Variants in ANKRD33B observed in about 807,000 individuals in gnomAD.
ANKRD33B encodes the protein ankyrin repeat domain 33B.
ANKRD33B carries 6 observed loss-of-function variants against 21.5 expected under a neutral mutation model. The ratio of observed to expected loss-of-function variants is 0.28; its 90% CI spans 0.15 to 0.55. The LOEUF (loss-of-function observed/expected upper bound fraction) is 0.55, where lower values mean the gene tolerates loss of function less well. Ranked by LOEUF, ANKRD33B falls within the 20% of genes least tolerant of loss-of-function variation. ANKRD33B has a pLI of 0.94. For missense variants in ANKRD33B, 698 were observed against 747.2 expected (o/e 0.93, Z 0.77); for synonymous variants, 347 against 342.4 (o/e 1.01, Z -0.15).
rs1358588856 is a variant in ANKRD33B, at chr5:10,654,551, C to T, written c.*4438C>T. The T allele has an allele frequency of 1.3e-5, 2 of 152,432 alleles. No individual in the cohort carries two copies. Among genetic ancestry groups the T allele is most frequent in the Non-Finnish European group, 2.9e-5 (2 of 68,062 alleles). 9.4% of individuals were successfully genotyped at this position (152,432 alleles called of 1,614,324 possible). A position where few individuals can be genotyped will look rare whatever the true frequency, so the allele number is the denominator to read the frequency against. ...GATGACAACTGAGATGCCTGGAGCT[C>T]ACCCTTGATGGAGACTTCCTTGGTG... On this transcript the variant is annotated 3_prime_UTR_variant, in exon 4 of 4. Coordinates refer to ENST00000296657, the MANE Select transcript of ANKRD33B (RefSeq NM_001164440.2).
At chr5:10,618,184 TA>T in intron 1 of ANKRD33B, 148 bp from the exon 2 acceptor site, 2 of 1,109,938 alleles carry the variant, frequency 1.8e-6, no homozygotes, top group Non-Finnish European at 2.5e-6. Flanking sequence ...TGGCTCACTC[TA>T]AACCATCTCT....
chr5:10,638,309 A>T, intron 3 of ANKRD33B, 141 bp downstream of exon 3: 2 of 1,158,014 alleles, frequency 1.7e-6, no homozygotes, highest in Non-Finnish European at 1.2e-6. Context: ...TCACTGACAT[A>T]TACTTCTGTA....
chr5:10,652,753 C>A lies in ANKRD33B; in HGVS notation c.*2640C>A. ...AGTGGACGTGTTGCGGCCCTGCCCCCGATGTGTTCCAGCCTCATCCAGGTG... is the reference window on the plus strand; with the variant it reads ...AGTGGACGTGTTGCGGCCCTGCCCCAGATGTGTTCCAGCCTCATCCAGGTG... On this transcript the variant is annotated 3_prime_UTR_variant, in exon 4 of 4. Transcript: ENST00000296657. This position sits in a 1 kb window ranked among gnomAD's most constrained non-coding sequence, Gnocchi z 4.1. The A allele has an allele frequency of 9.3e-6, 2 of 215,508 alleles. No homozygotes were observed. Among genetic ancestry groups the A allele is most frequent in the Non-Finnish European group, 2.0e-5 (2 of 100,728 alleles). The allele number at this position is 215,508 out of a possible 1,614,324, so 13.3% of individuals were successfully genotyped here.
chr5:10,615,100 C>T (rs894869869), intron 1 of ANKRD33B, among the ~76,000 whole-genome samples: 1 of 152,188 alleles, frequency 6.6e-6, no homozygotes, highest in Middle Eastern at 3.4e-3. Flanking sequence ...CTGAAAGAGA[C>T]CTAATTCAGG....
chr5:10,621,062 C>T (rs1388803264), intron 2 of ANKRD33B, among the ~76,000 whole-genome samples: 1 of 152,122 alleles, frequency 6.6e-6, no homozygotes, highest in Non-Finnish European at 1.5e-5. Flanking sequence ...TTCAATAACG[C>T]CTTTGTTCTT....
intron 2 of ANKRD33B, among the ~76,000 whole-genome samples, chr5:10,637,213 C>T (rs970127309): frequency 6.6e-6 from 1 of 152,200 alleles, no homozygotes; most frequent in Non-Finnish European, 1.5e-5. Flanking sequence ...CTGGAAACAG[C>T]ACTGTTGCTG....
rs140823396 is a variant in ANKRD33B at position 10,579,119 on chromosome 5, G to A, written c.366+14286G>A. Among the ~76,000 whole-genome samples the A allele has an allele frequency of 3.4e-3, 514 of 149,436 alleles. 3 individuals are homozygous for A. The highest frequency in any genetic ancestry group is 6.1e-3 in the Admixed American group (92 of 14,990). ...GTCAAGGCTGCAGTGAGCCGTGATC[G>A]CGCCACTGCACTCTAGTCTGGGCAA... On this transcript the variant is annotated intron_variant, in intron 1 of 3. Coordinates refer to ENST00000296657, the MANE Select transcript of ANKRD33B (RefSeq NM_001164440.2).
At chr5:10,608,088 C>G (rs1560972163) in intron 1 of ANKRD33B, among the ~76,000 whole-genome samples, 1 of 151,834 alleles carries the variant, frequency 6.6e-6, no homozygotes, top group Non-Finnish European at 1.5e-5. Flanking sequence ...GGGGCTCACG[C>G]CTATATTCCT....
Position 10,652,856 on chromosome 5 carries a change from G to T in ANKRD33B, c.*2743G>T. On this transcript the variant is annotated 3_prime_UTR_variant, in exon 4 of 4. Transcript: ENST00000296657. This position sits in a 1 kb window ranked among gnomAD's most constrained non-coding sequence, Gnocchi z 4.1. The stretch of plus-strand genomic sequence containing the variant: ...CCACAAAACAGCTCTAGAGATACCT[G>T]CATTTTGAAAAGCCTGCTGAGCCAA... 1 of 267,328 alleles carries T rather than the reference G, an allele frequency of 3.7e-6. No individual in the cohort carries two copies. The highest frequency in any genetic ancestry group is 7.8e-6 in the Non-Finnish European group (1 of 128,080). 16.6% of individuals were successfully genotyped at this position (267,328 alleles called of 1,614,324 possible).
intron 3 of ANKRD33B, among the ~76,000 whole-genome samples, chr5:10,647,246 A>G (rs566529249): frequency 6.6e-6 from 1 of 151,668 alleles, no homozygotes; most frequent in East Asian, 1.9e-4. Context: ...TTGGGATTAC[A>G]GGTGCCTGCC....
intron 1 of ANKRD33B, among the ~76,000 whole-genome samples, chr5:10,565,441 C>T (rs184946554): frequency 1.5e-3 from 231 of 152,344 alleles, no homozygotes; most frequent in Non-Finnish European, 2.8e-3. Flanking sequence ...CGCGACCAGC[C>T]AACGTGATCT....
In ANKRD33B at chr5:10,576,119, G is replaced by T. The variant is rs1426389501; in HGVS notation, c.366+11286G>T. On this transcript the variant is annotated intron_variant, in intron 1 of 3. Coordinates refer to ENST00000296657, the MANE Select transcript of ANKRD33B (RefSeq NM_001164440.2). This position sits in a 1 kb window ranked among gnomAD's most constrained non-coding sequence, Gnocchi z 4.1. ...CTACCTTTGGGGAGGACAGGTGAAG[G>T]GTACAAGTTCTTGTGGGGCTGTAAC... 2.0e-5 allele frequency among the ~76,000 whole-genome samples: 3 copies of T among 152,078 alleles called. No individual in the cohort carries two copies.
At chr5:10,613,990 C>CGTGTGTGT (rs59864065) in intron 1 of ANKRD33B, among the ~76,000 whole-genome samples, 53,993 of 140,978 alleles carry the variant, frequency 0.38, 11,459 homozygotes, top group East Asian at 0.48. Flanking sequence ...CCAGAGAAAT[C>CGTGTGTGT]GTGTGTGTGT....
At chr5:10,624,659 TTG>T (rs1736503480) in intron 2 of ANKRD33B, 8 of 439,628 alleles carry the variant, frequency 1.8e-5, no homozygotes, top group Non-Finnish European at 9.1e-6. Flanking sequence ...AAAAGCTTCC[TTG>T]TGTGTGTCTT....
chr5:10,584,613 T>G (rs1184110780), intron 1 of ANKRD33B, among the ~76,000 whole-genome samples: 1 of 152,170 alleles, frequency 6.6e-6, no homozygotes, highest in Non-Finnish European at 1.5e-5. Context: ...TGATTCAGCA[T>G]GAAGTTGCCT....
At chr5:10,623,900 A>G (rs1444991972) in intron 2 of ANKRD33B, among the ~76,000 whole-genome samples, 1 of 152,164 alleles carries the variant, frequency 6.6e-6, no homozygotes, top group Non-Finnish European at 1.5e-5. Flanking sequence ...ATTTTAAAAT[A>G]CAATACACAG....
At chr5:10,604,515 A>G (rs1474932544) in intron 1 of ANKRD33B, among the ~76,000 whole-genome samples, 1 of 147,094 alleles carries the variant, frequency 6.8e-6, no homozygotes, top group Non-Finnish European at 1.5e-5. Flanking sequence ...TTTTTGAAAA[A>G]AAAAAAAAAG....
Position 10,650,173 on chromosome 5 carries a change from G to A in ANKRD33B, c.*60G>A. 1 of 1,396,646 alleles carries A rather than the reference G, an allele frequency of 7.2e-7. No individual in the cohort carries two copies. The highest frequency in any genetic ancestry group is 9.3e-7 in the Non-Finnish European group (1 of 1,080,504). 86.5% of individuals were successfully genotyped at this position (1,396,646 alleles called of 1,614,324 possible). A position where few individuals can be genotyped will look rare whatever the true frequency, so the allele number is the denominator to read the frequency against. ...GGCCGGGGCGGGGCCGCAGGGCTGG[G>A]CGCGGAGAAGGAGGCGGCCCCGTTG... On this transcript the variant is annotated 3_prime_UTR_variant, in exon 4 of 4. Coordinates refer to ENST00000296657, the MANE Select transcript of ANKRD33B (RefSeq NM_001164440.2).
At chr5:10,573,550 A>C (rs1006424321) in intron 1 of ANKRD33B, among the ~76,000 whole-genome samples, 7 of 152,200 alleles carry the variant, frequency 4.6e-5, no homozygotes, top group African/African-American at 1.7e-4. Flanking sequence ...GCTGTAAAGA[A>C]ATAAAGAACT....
Sources: allele counts gnomAD v4.1 joint callset (sites outside exome capture counted in the v4.1 genomes callset), GRCh38; gene constraint gnomAD v4.1.1; non-coding constraint Gnocchi (gnomAD v3.1); transcripts MANE v1.5; gene names NCBI Gene and HGNC (gene_info 2026-07-23, HGNC 2026-07-21).